The following ZNF445 variants were observed in gnomAD, a reference collection of about 807,000 sequenced individuals.
ZNF445 encodes zinc finger protein 168.
ZNF445 carries 19 observed loss-of-function variants against 93.9 expected under a neutral mutation model. The ratio of observed to expected loss-of-function variants is 0.20; its 90% CI spans 0.14 to 0.30. The LOEUF is 0.30. Ranked by LOEUF, ZNF445 falls within the 10% of genes least tolerant of loss-of-function variation. The pLI is 1.00. For missense variants in ZNF445, 1,058 were observed against 1,259.4 expected (o/e 0.84, Z 2.42); for synonymous variants, 449 against 446.3 (o/e 1.01, Z -0.08).
chr3:44,473,492 A>C (rs6441847), intron 1 of ZNF445, among the ~76,000 whole-genome samples: 1,943 of 89,052 alleles, frequency 0.022, 29 homozygotes, highest in Middle Eastern at 0.033. Flanking sequence ...CACACACACA[A>C]AAAATGCTTT....
At chr3:44,462,567 T>C (rs1028773484) in intron 1 of ZNF445, among the ~76,000 whole-genome samples, 7 of 152,228 alleles carry the variant, frequency 4.6e-5, no homozygotes, top group Non-Finnish European at 8.8e-5. Flanking sequence ...TTTATTTATG[T>C]AACTTTGCCA....
chr3:44,474,883 GTACT>G (rs1698322956), intron 1 of ZNF445, among the ~76,000 whole-genome samples: 1 of 152,136 alleles, frequency 6.6e-6, no homozygotes, highest in South Asian at 2.1e-4. Context: ...TGTAATCCTA[GTACT>G]TTGGACGGCC....
In ZNF445 at chr3:44,440,951, T is replaced by C. The variant is rs1260618244; in HGVS notation, c.*5624A>G. 1 of 150,336 alleles carries C rather than the reference T, an allele frequency of 6.7e-6. No individual in the cohort carries two copies. Among genetic ancestry groups the C allele is most frequent in the Non-Finnish European group, 1.5e-5 (1 of 67,822 alleles). The allele number at this position is 150,336 out of a possible 1,614,324, so 9.3% of individuals were successfully genotyped here. ...TTTTTTGAGACAGAGTCTTGCTCTG[T>C]CACCCAGGCTGGAGTGCAGTGGCAC... is the stretch of plus-strand genomic sequence containing the variant. On this transcript the variant is annotated 3_prime_UTR_variant, in exon 8 of 8. Coordinates refer to ENST00000396077, the MANE Select transcript of ZNF445 (RefSeq NM_181489.6).
intron 7 of ZNF445, among the ~76,000 whole-genome samples, chr3:44,449,101 A>G (rs1233345466): frequency 6.6e-6 from 1 of 152,214 alleles, no homozygotes; most frequent in Non-Finnish European, 1.5e-5. Context: ...AGGGCTGGAG[A>G]TCAGCCTATT....
chr3:44,447,740 A>C lies in ZNF445; in HGVS notation c.1931T>G (p.Met644Arg), dbSNP rs1181488599. The C allele has an allele frequency of 1.2e-6, 2 of 1,614,080 alleles. No individual in the cohort carries two copies. Among genetic ancestry groups the C allele is most frequent in the African/African-American group, 1.3e-5 (1 of 74,938 alleles). The change falls in exon 8 of 8, where the codon ATG (methionine) becomes AGG (arginine). Residue 644 changes from methionine (M) to arginine (R), a missense_variant. Met to Arg is a moderately conservative substitution (Grantham distance 91). Coordinates refer to ENST00000396077, the MANE Select transcript of ZNF445 (RefSeq NM_181489.6). The surrounding 1 kb of genome is among the most constrained non-coding windows in gnomAD (Gnocchi z 4.7). ...FRWRSNFTRHMRLHEEEKFYK... is the reference protein window; with the variant it reads ...FRWRSNFTRHRRLHEEEKFYK... ...GAATTTTTCCTCCTCATGCAACCTC[A>C]TATGACGAGTAAAGTTTGATCTCCA... is the stretch of plus-strand genomic sequence containing the variant.
At chr3:44,471,776 T>C (rs989484798) in intron 1 of ZNF445, among the ~76,000 whole-genome samples, 1 of 151,562 alleles carries the variant, frequency 6.6e-6, no homozygotes, top group African/African-American at 2.4e-5. Flanking sequence ...GGATCACACA[T>C]GCTGAGGAAG....
intron 1 of ZNF445, among the ~76,000 whole-genome samples, chr3:44,462,481 G>A (rs949604315): frequency 5.9e-5 from 9 of 152,176 alleles, no homozygotes; most frequent in African/African-American, 2.2e-4. Context: ...CTCTAACTCA[G>A]TAGCTAAGGC....
rs766925309 is a variant in ZNF445 at position 44,451,338 on chromosome 3, G to A, written c.574C>T (p.Arg192Cys). 3 of 1,613,838 alleles carry A rather than the reference G, an allele frequency of 1.9e-6. No individual in the cohort carries two copies. Among genetic ancestry groups the A allele is most frequent in the South Asian group, 2.2e-5 (2 of 91,090 alleles). Reference sequence around the variant, plus strand: ...CCGGATTGCCCAGCCAGGAAGTCACGTGCTTCTATTTCATAGGGAGGCTCC... The same window carrying A: ...CCGGATTGCCCAGCCAGGAAGTCACATGCTTCTATTTCATAGGGAGGCTCC... The part of the protein sequence containing the change: ...HLEPPYEIEA[R>C]DFLAGQSDTP... The change falls in exon 4 of 8, where the codon CGT (arginine) becomes TGT (cysteine). Residue 192 changes from arginine to cysteine, a missense_variant. Arg to Cys is a radical substitution (Grantham distance 180). Transcript: ENST00000396077.
chr3:44,449,368 C>T, intron 7 of ZNF445, 145 bp downstream of exon 7: 1 of 656,048 alleles, frequency 1.5e-6, no homozygotes, highest in Non-Finnish European at 2.7e-6. Context: ...GGAAGAGACC[C>T]AGTGGCCCAA....
intron 1 of ZNF445, among the ~76,000 whole-genome samples, chr3:44,476,484 G>GAC (rs935526450): frequency 9.2e-5 from 14 of 151,512 alleles, no homozygotes; most frequent in Non-Finnish European, 1.0e-4. Flanking sequence ...CACACACGCA[G>GAC]ACACACACAC....
At chr3:44,451,903 G>C (rs995231497) in intron 3 of ZNF445, among the ~76,000 whole-genome samples, 4 of 152,346 alleles carry the variant, frequency 2.6e-5, no homozygotes, top group Non-Finnish European at 4.4e-5. Context: ...ATACAGTCAA[G>C]TAATATCTAC....
chr3:44,447,434 T>C lies in ZNF445; in HGVS notation c.2237A>G (p.Asp746Gly). ...KPEGGPSFSQ[D>G]TVFQVPQSSH... The stretch of plus-strand genomic sequence containing the variant: ...GCTCTGAGGAACCTGGAACACTGTG[T>C]CCTGACTAAAAGATGGCCCGCCCTC... The change falls in exon 8 of 8, where the codon GAC becomes GGC. Residue 746 changes from aspartate to glycine, a missense_variant. Asp to Gly is a moderately conservative substitution (Grantham distance 94). Transcript: ENST00000396077. This position sits in a 1 kb window ranked among gnomAD's most constrained non-coding sequence, Gnocchi z 4.7. The C allele has an allele frequency of 1.2e-6, 2 of 1,614,194 alleles. No homozygotes were observed. The highest frequency in any genetic ancestry group is 1.7e-6 in the Non-Finnish European group (2 of 1,180,026).
intron 1 of ZNF445, among the ~76,000 whole-genome samples, chr3:44,463,826 C>T (rs924698577): frequency 1.8e-4 from 27 of 152,074 alleles, no homozygotes; most frequent in African/African-American, 5.8e-4. Context: ...TGAAATGCAG[C>T]GTAGAAGCAC....
Position 44,447,587 on chromosome 3 carries a change from G to C in ZNF445, c.2084C>G (p.Thr695Ser). The C allele has an allele frequency of 1.2e-6, 2 of 1,614,144 alleles. No homozygotes were observed. Among genetic ancestry groups the C allele is most frequent in the Non-Finnish European group, 1.7e-6 (2 of 1,180,030 alleles). Residue 695 changes from threonine (T) to serine (S), a missense_variant, in exon 8 of 8, where the codon ACT (threonine) becomes AGT (serine). Around this residue, in one of 3 missense-constraint regions of ZNF445, gnomAD observed 387 missense variants for 475.7 expected, o/e 0.81. Transcript: ENST00000396077. This position sits in a 1 kb window ranked among gnomAD's most constrained non-coding sequence, Gnocchi z 4.7. Reference sequence around the variant, plus strand: ...GTGAATTCTCTGGTGGTCAACGAGAGTTTTCTTTCTAGTAAAAGTTTTCCC... The same window carrying C: ...GTGAATTCTCTGGTGGTCAACGAGACTTTTCTTTCTAGTAAAAGTTTTCCC... ...QCGKTFTRKK[T>S]LVDHQRIHTG...
At position 44,446,635 on chromosome 3, in the gene ZNF445, T is replaced by G; in HGVS notation, c.3036A>C (p.Gly1012=). The part of the protein sequence containing the change: ...RERPFKCSKC[G]KTFRWSSNLA... Reference sequence around the variant, plus strand: ...GGTTCGAAGACCACCTGAAGGTCTTTCCACACTTGCTGCATTTGAAGGGCC... The same window carrying G: ...GGTTCGAAGACCACCTGAAGGTCTTGCCACACTTGCTGCATTTGAAGGGCC... The change falls in exon 8 of 8, where the codon GGA becomes GGC. Residue 1012 remains glycine, a synonymous_variant. Coordinates refer to ENST00000396077, the MANE Select transcript of ZNF445 (RefSeq NM_181489.6). This position sits in a 1 kb window ranked among gnomAD's most constrained non-coding sequence, Gnocchi z 4.2. 1 of 1,614,236 alleles carries G rather than the reference T, an allele frequency of 6.2e-7. No homozygotes were observed. The highest frequency in any genetic ancestry group is 8.5e-7 in the Non-Finnish European group (1 of 1,180,044).
In ZNF445 at chr3:44,446,590, G is replaced by T. The variant is rs748260361; in HGVS notation, c.3081C>A (p.Asn1027Lys). Residue 1027 changes from asparagine to lysine, a missense_variant, in exon 8 of 8, where the codon AAC becomes AAA. Transcript: ENST00000396077. This position sits in a 1 kb window ranked among gnomAD's most constrained non-coding sequence, Gnocchi z 4.2. ...WSSNLARHMK[N>K]HIRD Reference sequence around the variant, plus strand: ...AGGTCCCAGGCTAATCTCTAATATGGTTTTTCATATGCCGAGCCAGGTTCG... The same window carrying T: ...AGGTCCCAGGCTAATCTCTAATATGTTTTTTCATATGCCGAGCCAGGTTCG... The T allele has an allele frequency of 1.2e-6, 2 of 1,614,182 alleles. No individual in the cohort carries two copies. The highest frequency in any genetic ancestry group is 2.2e-5 in the South Asian group (2 of 91,080).
intron 1 of ZNF445, among the ~76,000 whole-genome samples, chr3:44,474,940 A>G (rs1199966509): frequency 6.6e-6 from 1 of 152,002 alleles, no homozygotes; most frequent in Non-Finnish European, 1.5e-5. Flanking sequence ...GAGACTAAAA[A>G]TATGAAAATT....
chr3:44,449,669 AGAACTACTCTTCAGGACCTCTG>A (rs1559392900), intron 6 of ZNF445, 46 bp from the exon 7 acceptor site: 1 of 1,493,390 alleles, frequency 6.7e-7, no homozygotes, highest in Non-Finnish European at 9.3e-7. Flanking sequence ...TGGATGACAC[AGAACTACTCTTCAGGACCTCTG>A]GGCCTGAAGT....
At position 44,446,543 on chromosome 3, in the gene ZNF445, ACCCACC is replaced by A. The variant is rs747549776; in HGVS notation, c.*26_*31del. ...AGGGTTCTCTAGCAGGGGACTGAGA[ACCCACC>A]CCCACTGTCACTGTCAGGTCCCAGG... On this transcript the variant is annotated 3_prime_UTR_variant, in exon 8 of 8. Coordinates refer to ENST00000396077, the MANE Select transcript of ZNF445 (RefSeq NM_181489.6). This position sits in a 1 kb window ranked among gnomAD's most constrained non-coding sequence, Gnocchi z 4.2. The A allele has an allele frequency of 1.2e-6, 2 of 1,612,606 alleles. No homozygotes were observed. The highest frequency in any genetic ancestry group is 1.7e-6 in the Non-Finnish European group (2 of 1,179,738).
Sources: gnomAD v4.1 joint callset for allele counts (sites outside exome capture counted in the v4.1 genomes callset) on GRCh38, gnomAD v4.1.1 for gene constraint, gnomAD v4.1.1 regional missense constraint, Gnocchi (gnomAD v3.1) non-coding constraint, MANE v1.5 for transcripts, NCBI Gene and HGNC (gene_info 2026-07-23, HGNC 2026-07-21) for gene names.